SEC24B: variants seen among roughly 807,000 people sequenced by gnomAD.
SEC24B encodes protein transport protein Sec24B.
Under a neutral mutation model 142.8 loss-of-function variants are expected in SEC24B, and 45 were observed. The ratio of observed to expected loss-of-function variants is 0.32; its 90% CI spans 0.25 to 0.40. The LOEUF (loss-of-function observed/expected upper bound fraction) is 0.40. SEC24B is among the 10% of genes least tolerant of loss of function. The pLI, the probability that SEC24B is intolerant of heterozygous loss-of-function variation, is 1.00. For synonymous variants in SEC24B, 574 were observed against 568.2 expected (o/e 1.01, Z -0.15); for missense variants, 1,409 against 1,526.8 (o/e 0.92, Z 1.29).
At chr4:109,530,178 C>T (rs1724740291) in intron 18 of SEC24B, 111 bp from the exon 19 acceptor site, 1 of 899,746 alleles carries the variant, frequency 1.1e-6, no homozygotes, top group Non-Finnish European at 1.6e-6. Context: ...TTTTTCCATC[C>T]TAAAAACTTA....
intron 6 of SEC24B, among the ~76,000 whole-genome samples, chr4:109,505,100 A>G (rs535078133): frequency 1.3e-5 from 2 of 152,232 alleles, no homozygotes; most frequent in South Asian, 2.1e-4. Flanking sequence ...GAAATAAGAT[A>G]TCTCTGAATA....
intron 1 of SEC24B, among the ~76,000 whole-genome samples, chr4:109,445,283 G>A (rs1159518025): frequency 4.8e-5 from 6 of 123,836 alleles, no homozygotes; most frequent in Admixed American, 9.8e-5. Flanking sequence ...TTGTTCTGTC[G>A]CCCAGACTGG....
intron 6 of SEC24B, among the ~76,000 whole-genome samples, chr4:109,501,884 C>G (rs1736190867): frequency 6.6e-6 from 1 of 152,190 alleles, no homozygotes; most frequent in Admixed American, 6.5e-5. Context: ...CTCAGTGAAC[C>G]AAACAGTTCC....
intron 3 of SEC24B, among the ~76,000 whole-genome samples, chr4:109,476,948 T>TA (rs941481321): frequency 4.0e-5 from 6 of 151,468 alleles, no homozygotes; most frequent in Non-Finnish European, 7.4e-5. Flanking sequence ...CCATCCCGGC[T>TA]AAAACGGTGA....
At chr4:109,539,000 C>T (rs925661828) in intron 23 of SEC24B, among the ~76,000 whole-genome samples, 2 of 151,558 alleles carry the variant, frequency 1.3e-5, no homozygotes, top group African/African-American at 4.9e-5. Flanking sequence ...TCGCTCTTGT[C>T]ACCCGGGCTG....
At chr4:109,463,906 T>C (rs935191610) in intron 2 of SEC24B, among the ~76,000 whole-genome samples, 1 of 152,166 alleles carries the variant, frequency 6.6e-6, no homozygotes, top group African/African-American at 2.4e-5. Context: ...ACATCTGCAA[T>C]AGTTGTCTTT....
chr4:109,491,238 C>A (rs755968274), intron 4 of SEC24B, 89 bp from the exon 5 acceptor site: 21 of 981,694 alleles, frequency 2.1e-5, no homozygotes, highest in Non-Finnish European at 3.1e-5. Context: ...TTCCTAGTTC[C>A]GCAAAAACAT....
At chr4:109,517,931 TTTTG>T (rs70949093) in intron 11 of SEC24B, among the ~76,000 whole-genome samples, 21,280 of 146,334 alleles carry the variant, frequency 0.15, 1,982 homozygotes, top group African/African-American at 0.25. Context: ...AAACTGAGCA[TTTTG>T]TTTGTTTGTT....
chr4:109,526,359 A>C lies in SEC24B; in HGVS notation c.2925A>C (p.Leu975Phe). 6.2e-7 allele frequency: 1 copy of C among 1,613,678 alleles called. No individual in the cohort carries two copies. The highest frequency in any genetic ancestry group is 8.5e-7 in the Non-Finnish European group (1 of 1,179,680). The change falls in exon 17 of 24, where the codon TTA becomes TTC. Residue 975 changes from leucine to phenylalanine, a missense_variant. By Grantham distance (22) the Leu-to-Phe change is conservative. This residue lies in a region of SEC24B where 700 missense variants were observed against 853.3 expected (regional missense o/e 0.82). Transcript: ENST00000265175. Reference protein sequence around the residue: ...SIEESLTDTSLVCFQTALLYT... With the variant: ...SIEESLTDTSFVCFQTALLYT... ...AAGAAAGTTTAACAGATACTTCCTT[A>C]GTATGTTTTCAAACAGCCCTATTAT...
chr4:109,526,464 T>G, intron 17 of SEC24B, 65 bp downstream of exon 17: 1 of 1,217,770 alleles, frequency 8.2e-7, no homozygotes, highest in Non-Finnish European at 1.2e-6. Context: ...ACATGGCCTT[T>G]AGTGGAGTGG....
intron 3 of SEC24B, among the ~76,000 whole-genome samples, chr4:109,475,065 A>G (rs559888520): frequency 1.3e-5 from 2 of 152,352 alleles, no homozygotes; most frequent in South Asian, 2.1e-4. Flanking sequence ...AGATCTCTCT[A>G]TCTTGTATTC....
Position 109,476,125 on chromosome 4 carries a change from T to G in SEC24B, c.1060+2939T>G, listed in dbSNP as rs559777119. Among the ~76,000 whole-genome samples the G allele has an allele frequency of 3.3e-5, 5 of 152,150 alleles. No homozygotes were observed. In the South Asian group the frequency reaches 8.3e-4, roughly 25 times the overall value. On this transcript the variant is annotated intron_variant, in intron 3 of 23. Coordinates refer to ENST00000265175, the MANE Select transcript of SEC24B (RefSeq NM_006323.5). ...TCTCAGCCTCCTGAGTAGCTGGGAT[T>G]ACATGCATGTGCCAACATGCCCAGC...
intron 4 of SEC24B, among the ~76,000 whole-genome samples, chr4:109,482,928 G>C (rs1354728649): frequency 1.2e-5 from 1 of 85,948 alleles, no homozygotes; most frequent in Admixed American, 1.5e-4. Context: ...TACCTTGCCA[G>C]GCTTGTACTA....
chr4:109,496,836 G>A (rs995390314), intron 6 of SEC24B, among the ~76,000 whole-genome samples: 2 of 152,112 alleles, frequency 1.3e-5, no homozygotes, highest in Non-Finnish European at 2.9e-5. Context: ...CAATTTTTAA[G>A]TCTGTCCTGT....
intron 9 of SEC24B, 56 bp from the exon 10 acceptor site, chr4:109,513,691 A>G (rs1382388387): frequency 2.6e-5 from 24 of 910,338 alleles, no homozygotes; most frequent in Non-Finnish European, 4.4e-5. Context: ...AGGTGTGTAT[A>G]TATGTGTTTA....
chr4:109,533,746 A>C, intron 22 of SEC24B, 61 bp downstream of exon 22: 1 of 983,558 alleles, frequency 1.0e-6, no homozygotes, highest in East Asian at 2.4e-5. Context: ...TTGATGTAAA[A>C]TTCATGTAAT....
chr4:109,474,195 A>T (rs940827887), intron 3 of SEC24B, among the ~76,000 whole-genome samples: 1 of 152,224 alleles, frequency 6.6e-6, no homozygotes, highest in African/African-American at 2.4e-5. Flanking sequence ...ACCAGTGGGT[A>T]TACTGGAAAC....
At chr4:109,464,646 G>A (rs930267631) in intron 2 of SEC24B, among the ~76,000 whole-genome samples, 3 of 152,178 alleles carry the variant, frequency 2.0e-5, no homozygotes, top group African/African-American at 7.2e-5. Flanking sequence ...AATGGGAATT[G>A]GTAAAGCTGT....
chr4:109,475,433 T>A (rs1733008740), intron 3 of SEC24B, among the ~76,000 whole-genome samples: 2 of 152,308 alleles, frequency 1.3e-5, no homozygotes, highest in South Asian at 4.1e-4. Flanking sequence ...GAGATTAGCT[T>A]TTTTCTTCCA....
Sources: allele counts gnomAD v4.1 joint callset (sites outside exome capture counted in the v4.1 genomes callset), GRCh38; gene constraint gnomAD v4.1.1; regional missense constraint gnomAD v4.1.1; transcripts MANE v1.5; gene names NCBI Gene and HGNC (gene_info 2026-07-23, HGNC 2026-07-21).